The following C17orf58 variants were observed in gnomAD, a reference collection of about 807,000 sequenced individuals.
The protein encoded by C17orf58 is UPF0450 protein C17orf58.
C17orf58 carries 5 observed loss-of-function variants against 7.4 expected under a neutral mutation model. The observed-to-expected ratio is 0.67, with a 90% CI of 0.35 to 1.42. The LOEUF is 1.42. C17orf58 is among the 40% of genes most tolerant of loss of function. The pLI is 0.04. For synonymous variants in C17orf58, 60 were observed against 70.6 expected (o/e 0.85, Z 0.75); for missense variants, 162 against 174.2 (o/e 0.93, Z 0.40).
Position 67,993,689 on chromosome 17 carries a change from C to T in C17orf58, c.372G>A (p.Pro124=), listed in dbSNP as rs1293100742. The change falls in exon 2 of 4, where the codon CCG becomes CCA. Residue 124 remains proline, a synonymous_variant. Transcript: ENST00000580729. The surrounding 1 kb of genome is among the most constrained non-coding windows in gnomAD (Gnocchi z 5.1). ...GCAGGGCCCGTGAGCGCGCGCGTCG[C>T]GGGGCGTCCTCCGACGCGGGCTCGC... is the stretch of plus-strand genomic sequence containing the variant. ...PRREPASEDA[P]RRARSRALRF... The T allele has an allele frequency of 1.4e-5, 2 of 145,864 alleles. No individual in the cohort carries two copies. The highest frequency in any genetic ancestry group is 5.0e-5 in the African/African-American group (2 of 40,256). 9.0% of individuals were successfully genotyped at this position (145,864 alleles called of 1,614,324 possible).
At position 67,993,493 on chromosome 17, in the gene C17orf58, C is replaced by A; in HGVS notation, c.568G>T (p.Ala190Ser). Reference protein sequence around the residue: ...SPPQRDAEPGAEPCARACRSD... With the variant: ...SPPQRDAEPGSEPCARACRSD... ...CGGCAGGCGCGCGCGCAGGGCTCAG[C>A]GCCGGGCTCCGCGTCCCTCTGCGGC... The change falls in exon 2 of 4, where the codon GCT (alanine) becomes TCT (serine). Residue 190 changes from alanine (A) to serine (S), a missense_variant. Around this residue, in one of 3 missense-constraint regions of C17orf58, gnomAD observed 93 missense variants for 90.4 expected, o/e 1.03. Coordinates refer to ENST00000580729, the MANE Select transcript of C17orf58 (RefSeq NM_001382359.1). The surrounding 1 kb of genome is among the most constrained non-coding windows in gnomAD (Gnocchi z 5.1). 1.5e-5 allele frequency: 6 copies of A among 403,744 alleles called. No homozygotes were observed. The highest frequency in any genetic ancestry group is 4.5e-5 in the Admixed American group (1 of 22,442). 25.0% of individuals were successfully genotyped at this position (403,744 alleles called of 1,614,324 possible).
At position 67,991,854 on chromosome 17, in the gene C17orf58, T is replaced by C. The variant is rs1261205445; in HGVS notation, c.*59A>G. The C allele has an allele frequency of 6.2e-6, 9 of 1,452,014 alleles. No homozygotes were observed. The highest frequency in any genetic ancestry group is 8.4e-6 in the Non-Finnish European group (9 of 1,065,212). The allele number at this position is 1,452,014 out of a possible 1,614,324, so 89.9% of individuals were successfully genotyped here. ...GACCCATTACATGAAGGTAGACCTT[T>C]CATGTCTTGTTGCCGACGTCCAAGT... On this transcript the variant is annotated 3_prime_UTR_variant, in exon 4 of 4. Coordinates refer to ENST00000580729, the MANE Select transcript of C17orf58 (RefSeq NM_001382359.1).
Position 67,994,510 on chromosome 17 carries a change from G to GCA in C17orf58, c.77-527_77-526insTG, listed in dbSNP as rs1555699603. 9.9e-4 allele frequency among the ~76,000 whole-genome samples: 71 copies of GCA among 71,506 alleles called. 3 individuals carry two copies. Among genetic ancestry groups the GCA allele is most frequent in the East Asian group, 9.1e-3 (19 of 2,094 alleles). The allele number at this position is 71,506 out of a possible 152,430, so 46.9% of individuals were successfully genotyped here. The stretch of plus-strand genomic sequence containing the variant: ...TGCGTGTGCGTGTGTGTGTGTGTGT[G>GCA]TGTGTGTATATATATATATATATAT... On this transcript the variant is annotated intron_variant, in intron 1 of 3. Transcript: ENST00000580729.
At chr17:67,995,751 G>T (rs1449512143) in intron 1 of C17orf58, among the ~76,000 whole-genome samples, 7 of 152,200 alleles carry the variant, frequency 4.6e-5, no homozygotes, top group Admixed American at 2.0e-4. Context: ...ACCCAGTCGA[G>T]GGGGGCGGAC....
intron 1 of C17orf58, among the ~76,000 whole-genome samples, chr17:67,994,449 C>T (rs1327505223): frequency 6.8e-6 from 1 of 148,088 alleles, no homozygotes; most frequent in Non-Finnish European, 1.5e-5. Context: ...AACTTTTTTG[C>T]CCTTCCTTTA....
In C17orf58 at chr17:67,992,960, G is replaced by C. The variant is rs568233827; in HGVS notation, c.829+84C>G. ...CATCGCTCCCAAAAAAAGGCTGGGC[G>C]ACCTACAGCCCGGGCTGTGGCACCC... On this transcript the variant is annotated intron_variant, in intron 3 of 3. Transcript: ENST00000580729. 9 of 1,614,142 alleles carry C rather than the reference G, an allele frequency of 5.6e-6. No individual in the cohort carries two copies. The South Asian group carries it at 9.9e-5, about 18-fold the overall frequency.
At position 67,992,567 on chromosome 17, in the gene C17orf58, C is replaced by CAAA. The variant is rs59543001; in HGVS notation, c.830-467_830-465dup. Among the ~76,000 whole-genome samples, 47 of 52,794 alleles carry CAAA rather than the reference C, an allele frequency of 8.9e-4. 1 individual carries two copies. The highest frequency in any genetic ancestry group is 3.3e-3 in the African/African-American group (42 of 12,916). 34.6% of individuals were successfully genotyped at this position (52,794 alleles called of 152,430 possible). A position where few individuals can be genotyped will look rare whatever the true frequency, so the allele number is the denominator to read the frequency against. The stretch of plus-strand genomic sequence containing the variant: ...TGGGCGACAGGGCAAGACTCAATCT[C>CAAA]AAAAAAAAAAAAAAAAAAAAAAAAA... On this transcript the variant is annotated intron_variant, in intron 3 of 3. Transcript: ENST00000580729.
At position 67,996,257 on chromosome 17, in the gene C17orf58, TC is replaced by T. The variant is rs2070890718; in HGVS notation, c.-60del. On this transcript the variant is annotated 5_prime_UTR_variant, in exon 1 of 4. An upstream open reading frame in the 5' UTR loses its in-frame stop. Coordinates refer to ENST00000580729, the MANE Select transcript of C17orf58 (RefSeq NM_001382359.1). ...AGCCTGGTCTTTTGCTTGCTTTCTC[TC>T]CCCCAACCCCTTCTCCACACCCCCA... 2 of 398,162 alleles carry T rather than the reference TC, an allele frequency of 5.0e-6. No homozygotes were observed. The allele number at this position is 398,162 out of a possible 1,614,324, so 24.7% of individuals were successfully genotyped here.
intron 3 of C17orf58, 61 bp from the exon 4 acceptor site, chr17:67,992,164 T>G: frequency 7.1e-7 from 1 of 1,413,936 alleles, no homozygotes; most frequent in Non-Finnish European, 9.5e-7. Flanking sequence ...AAACAGAAAA[T>G]GTAAGGCCTT....
Position 67,993,751 on chromosome 17 carries a change from G to T in C17orf58, c.310C>A (p.Arg104Ser). 6.5e-6 allele frequency: 1 copy of T among 153,378 alleles called. No homozygotes were observed. The highest frequency in any genetic ancestry group is 1.4e-5 in the Non-Finnish European group (1 of 70,644). 9.5% of individuals were successfully genotyped at this position (153,378 alleles called of 1,614,324 possible). A position where few individuals can be genotyped will look rare whatever the true frequency, so the allele number is the denominator to read the frequency against. The change falls in exon 2 of 4, where the codon CGC (arginine) becomes AGC (serine). Residue 104 changes from arginine (R) to serine (S), a missense_variant. Around this residue, in one of 3 missense-constraint regions of C17orf58, gnomAD observed 93 missense variants for 90.4 expected, o/e 1.03. Coordinates refer to ENST00000580729, the MANE Select transcript of C17orf58 (RefSeq NM_001382359.1). The surrounding 1 kb of genome is among the most constrained non-coding windows in gnomAD (Gnocchi z 5.1). ...GCGCGGTTCTCGGCTTGCGCCAGGC[G>T]CGGGCCCGGCGGGCCAGCGGGCGCG... ...ARAPAGPPGPRLAQAENRASP... is the reference protein window; with the variant it reads ...ARAPAGPPGPSLAQAENRASP...
In C17orf58 at chr17:67,993,959, C is replaced by G. The variant is rs1252901400; in HGVS notation, c.102G>C (p.Pro34=). ...CCGCGCTCGGGCAGCCGCGGGAGTC[C>G]GGCTTTCTGCTGTGCGGCGGCGAGG... The part of the protein sequence containing the change: ...RKTSPPHSRK[P]DSRGCPSAEE... Residue 34 remains proline, a synonymous_variant, in exon 2 of 4, where the codon CCG becomes CCC. Coordinates refer to ENST00000580729, the MANE Select transcript of C17orf58 (RefSeq NM_001382359.1). The surrounding 1 kb of genome is among the most constrained non-coding windows in gnomAD (Gnocchi z 5.1). 2.5e-6 allele frequency: 1 copy of G among 395,400 alleles called. No homozygotes were observed. 24.5% of individuals were successfully genotyped at this position (395,400 alleles called of 1,614,324 possible). A position where few individuals can be genotyped will look rare whatever the true frequency, so the allele number is the denominator to read the frequency against.
intron 1 of C17orf58, among the ~76,000 whole-genome samples, chr17:67,994,510 G>GTATATATATATATA (rs1291189426): frequency 0.012 from 825 of 71,258 alleles, 8 homozygotes; most frequent in South Asian, 0.017. Flanking sequence ...GTGTGTGTGT[G>GTATATATATATATA]TGTGTGTATA....
chr17:67,991,704 G>T lies in C17orf58; in HGVS notation c.*209C>A, dbSNP rs1293612036. The T allele has an allele frequency of 4.8e-6, 2 of 419,678 alleles. No homozygotes were observed. The highest frequency in any genetic ancestry group is 2.0e-5 in the African/African-American group (1 of 49,560). 26.0% of individuals were successfully genotyped at this position (419,678 alleles called of 1,614,324 possible). A position where few individuals can be genotyped will look rare whatever the true frequency, so the allele number is the denominator to read the frequency against. ...TCTGGCACTACAGTTGAATCACCTT[G>T]ACACTGAGCTCAGGAGCAGCCCATT... On this transcript the variant is annotated 3_prime_UTR_variant, in exon 4 of 4. Coordinates refer to ENST00000580729, the MANE Select transcript of C17orf58 (RefSeq NM_001382359.1).
At chr17:67,995,721 G>GT (rs2070886161) in intron 1 of C17orf58, among the ~76,000 whole-genome samples, 1 of 151,990 alleles carries the variant, frequency 6.6e-6, no homozygotes, top group Non-Finnish European at 1.5e-5. Flanking sequence ...CCTCCACAGC[G>GT]CCCCCCGCAG....
intron 3 of C17orf58, among the ~76,000 whole-genome samples, chr17:67,992,696 C>T (rs1392360668): frequency 6.6e-6 from 1 of 151,988 alleles, no homozygotes; most frequent in Admixed American, 6.6e-5. Context: ...TGGGTATTCC[C>T]CGCTACCAAC....
At chr17:67,992,861 G>A in intron 3 of C17orf58, 183 bp downstream of exon 3, 1 of 1,595,334 alleles carries the variant, frequency 6.3e-7, no homozygotes, top group Non-Finnish European at 8.5e-7. Context: ...TGAGGGTGGG[G>A]GCTGACAGGG....
Position 67,992,030 on chromosome 17 carries a change from C to G in C17orf58, c.903G>C (p.Leu301=), listed in dbSNP as rs782204862. Residue 301 remains leucine, a synonymous_variant, in exon 4 of 4, where the codon CTG becomes CTC. Coordinates refer to ENST00000580729, the MANE Select transcript of C17orf58 (RefSeq NM_001382359.1). ...RQLPTALLQV[L]RGRLRPGDGL... The stretch of plus-strand genomic sequence containing the variant: ...CATCCCCTGGACGGAGGCGGCCTCT[C>G]AGGACCTGGAGCAGAGCTGTAGGGA... The G allele has an allele frequency of 4.3e-6, 7 of 1,612,908 alleles. No individual in the cohort carries two copies. The South Asian group carries it at 7.7e-5, about 18-fold the overall frequency.
chr17:67,992,942 C>A (rs2070849532), intron 3 of C17orf58, 102 bp downstream of exon 3: 1 of 1,613,980 alleles, frequency 6.2e-7, no homozygotes, highest in African/African-American at 1.3e-5. Context: ...TCCCATCGCT[C>A]CCAAAAAAAG....
intron 1 of C17orf58, among the ~76,000 whole-genome samples, chr17:67,995,561 T>A (rs1429000267): frequency 1.3e-5 from 2 of 152,240 alleles, no homozygotes; most frequent in Non-Finnish European, 2.9e-5. Context: ...CTTCACGGGC[T>A]GAGTAACTTA....
Sources: gnomAD v4.1 joint callset for allele counts (sites outside exome capture counted in the v4.1 genomes callset) on GRCh38, gnomAD v4.1.1 for gene constraint, gnomAD v4.1.1 regional missense constraint, Gnocchi (gnomAD v3.1) non-coding constraint, MANE v1.5 for transcripts, NCBI Gene and HGNC (gene_info 2026-07-23, HGNC 2026-07-21) for gene names.